Variants in SAMMSON observed in about 807,000 individuals in gnomAD.
SAMMSON encodes survival associated mitochondrial melanoma specific oncogenic non-coding RNA.
At chr3:70,329,522 A>G (rs1702605614) in intron 7 of SAMMSON, among the ~76,000 whole-genome samples, 2 of 151,846 alleles carry the variant, frequency 1.3e-5, no homozygotes. Context: ...ATATTGTATT[A>G]TAGAAAAAAT....
chr3:70,196,797 A>C (rs1277903116), intron 4 of SAMMSON: 1 of 396,906 alleles, frequency 2.5e-6, no homozygotes, highest in Non-Finnish European at 4.4e-6. Context: ...CAGGTGCAGA[A>C]TAAAATGGCC....
intron 3 of SAMMSON, among the ~76,000 whole-genome samples, chr3:70,035,471 T>G (rs1023457625): frequency 1.3e-5 from 2 of 152,184 alleles, no homozygotes; most frequent in African/African-American, 4.8e-5. Context: ...TATAGATTGA[T>G]GTTTAATTGA....
At chr3:70,206,427 A>G (rs1701291306) in intron 4 of SAMMSON, 1 of 393,574 alleles carries the variant, frequency 2.5e-6, no homozygotes, top group East Asian at 3.6e-5. Flanking sequence ...GACATATGTC[A>G]TTCACCAGAG....
chr3:70,343,839 A>T (rs907088718), intron 7 of SAMMSON, among the ~76,000 whole-genome samples: 3 of 151,226 alleles, frequency 2.0e-5, no homozygotes, highest in Non-Finnish European at 4.4e-5. Context: ...CCATATATTT[A>T]TGTATTCATT....
At chr3:70,203,014 G>A (rs1053743183) in intron 4 of SAMMSON, among the ~76,000 whole-genome samples, 1 of 152,036 alleles carries the variant, frequency 6.6e-6, no homozygotes, top group African/African-American at 2.4e-5. Context: ...ATGATTAGGA[G>A]GTGGGAGGGA....
intron 4 of SAMMSON, among the ~76,000 whole-genome samples, chr3:70,216,914 C>T (rs1276824695): frequency 2.6e-5 from 4 of 152,120 alleles, no homozygotes; most frequent in Non-Finnish European, 4.4e-5. Context: ...TGCACAGGGA[C>T]CCCTTCCCCT....
intron 3 of SAMMSON, among the ~76,000 whole-genome samples, chr3:70,028,329 T>A (rs2067051010): frequency 6.6e-6 from 1 of 152,180 alleles, no homozygotes; most frequent in African/African-American, 2.4e-5. Context: ...TTTGTGGGAA[T>A]GATGTGCCTT....
intron 4 of SAMMSON, among the ~76,000 whole-genome samples, chr3:70,248,362 G>T (rs975657425): frequency 4.6e-5 from 7 of 151,990 alleles, no homozygotes; most frequent in African/African-American, 1.4e-4. Flanking sequence ...ATTTTGAAAA[G>T]CATGTTATAT....
intron 6 of SAMMSON, among the ~76,000 whole-genome samples, chr3:70,270,164 G>A (rs996120860): frequency 3.3e-5 from 5 of 152,192 alleles, no homozygotes; most frequent in South Asian, 4.1e-4. Flanking sequence ...TTTGGAATAC[G>A]TAGACAAGTA....
chr3:70,262,648 C>T (rs1023463145), intron 6 of SAMMSON, among the ~76,000 whole-genome samples: 5 of 152,162 alleles, frequency 3.3e-5, no homozygotes, highest in Non-Finnish European at 5.9e-5. Flanking sequence ...CATTGACTCT[C>T]AAATTTTACA....
intron 9 of SAMMSON, among the ~76,000 whole-genome samples, chr3:70,380,948 G>A (rs921855272): frequency 6.6e-6 from 1 of 152,108 alleles, no homozygotes; most frequent in Non-Finnish European, 1.5e-5. Context: ...TATCATTGAT[G>A]GACATTTGGG....
chr3:70,207,528 G>A (rs750925164), intron 4 of SAMMSON, among the ~76,000 whole-genome samples: 2 of 152,072 alleles, frequency 1.3e-5, no homozygotes, highest in Admixed American at 1.3e-4. Flanking sequence ...CCCAAGCGTT[G>A]TATGTATTTT....
At chr3:70,268,826 C>T (rs1701948083) in intron 6 of SAMMSON, among the ~76,000 whole-genome samples, 1 of 152,046 alleles carries the variant, frequency 6.6e-6, no homozygotes, top group South Asian at 2.1e-4. Flanking sequence ...ACAAACTATT[C>T]TTACTAAATA....
chr3:70,247,032 C>T (rs529568272), intron 4 of SAMMSON, among the ~76,000 whole-genome samples: 31 of 152,046 alleles, frequency 2.0e-4, no homozygotes, highest in Middle Eastern at 6.8e-3. Flanking sequence ...TCCATGACTA[C>T]CACGAAGGAT....
intron 4 of SAMMSON, among the ~76,000 whole-genome samples, chr3:70,240,557 G>T (rs1174480466): frequency 6.6e-6 from 1 of 152,030 alleles, no homozygotes; most frequent in East Asian, 1.9e-4. Context: ...TGCACTGGTT[G>T]GCTTTTAATT....
intron 6 of SAMMSON, among the ~76,000 whole-genome samples, chr3:70,264,566 G>C (rs1406131330): frequency 6.6e-6 from 1 of 152,204 alleles, no homozygotes; most frequent in Non-Finnish European, 1.5e-5. Flanking sequence ...TGAGTTGGGT[G>C]AGTCAAACAG....
At chr3:70,196,793 C>T (rs1440331712) in intron 4 of SAMMSON, 3 of 396,512 alleles carry the variant, frequency 7.6e-6, no homozygotes, top group Non-Finnish European at 1.3e-5. Context: ...TAGACAGGTG[C>T]AGAATAAAAT....
chr3:70,250,124 T>G (rs528964623), intron 6 of SAMMSON, among the ~76,000 whole-genome samples: 1 of 152,306 alleles, frequency 6.6e-6, no homozygotes, highest in South Asian at 2.1e-4. Context: ...CCAGGGGATT[T>G]TTTAGCCTGT....
intron 4 of SAMMSON, among the ~76,000 whole-genome samples, chr3:70,222,855 G>C (rs140794379): frequency 6.2e-4 from 94 of 152,246 alleles, no homozygotes; most frequent in African/African-American, 2.0e-3. Context: ...TGTTTTAAAG[G>C]AATGCTATTT....
Sources: allele counts gnomAD v4.1 joint callset (sites outside exome capture counted in the v4.1 genomes callset), GRCh38; gene constraint gnomAD v4.1.1; transcripts MANE v1.5; gene names NCBI Gene and HGNC (gene_info 2026-07-23, HGNC 2026-07-21).